Variants in ELMO1 observed in about 807,000 individuals in gnomAD.
ELMO1 encodes the protein engulfment and cell motility protein 1.
A neutral mutation model predicts 98.9 loss-of-function variants in ELMO1; 26 were observed. That is an observed-to-expected ratio of 0.26 (90% CI 0.19 to 0.36). The LOEUF is 0.36. Among genes scored for constraint, ELMO1 ranks in the 10% least tolerant of loss-of-function variants. The pLI, the probability that ELMO1 is intolerant of heterozygous loss-of-function variation, is 1.00. For missense variants in ELMO1, 627 were observed against 935.2 expected (o/e 0.67, Z 4.30); for synonymous variants, 346 against 346.0 (o/e 1.00, Z 0.00).
At chr7:37,204,022 T>G (rs1404576248) in intron 13 of ELMO1, 1 of 445,246 alleles carries the variant, frequency 2.2e-6, no homozygotes, top group Non-Finnish European at 4.5e-6. Context: ...CGCTTTTAAC[T>G]GGCCAACAGG....
chr7:37,265,970 C>T (rs929993699), intron 5 of ELMO1, among the ~76,000 whole-genome samples: 10 of 152,160 alleles, frequency 6.6e-5, no homozygotes, highest in Admixed American at 1.3e-4. Flanking sequence ...TTGCCCTCCA[C>T]GACACTCCTT....
intron 21 of ELMO1, among the ~76,000 whole-genome samples, chr7:36,859,281 A>G (rs1802431258): frequency 6.6e-6 from 1 of 152,228 alleles, no homozygotes; most frequent in Non-Finnish European, 1.5e-5. Context: ...TAAATACCAC[A>G]TTATTAATTT....
rs115851167 is a variant in ELMO1, at chr7:37,237,764, T to G, written c.450-4570A>C. ...TAAAATGTATATACATTGAAAGGTA[T>G]GGATTTATAAGTCATCCTATAGACA... On this transcript the variant is annotated intron_variant, in intron 7 of 21. Transcript: ENST00000310758. Among the ~76,000 whole-genome samples, 1,244 of 152,340 alleles carry G rather than the reference T, an allele frequency of 8.2e-3. 20 individuals carry two copies. Among genetic ancestry groups the G allele is most frequent in the African/African-American group, 0.029 (1,199 of 41,580 alleles).
At chr7:37,014,831 G>T (rs1304407701) in intron 15 of ELMO1, among the ~76,000 whole-genome samples, 2 of 151,992 alleles carry the variant, frequency 1.3e-5, no homozygotes, top group Admixed American at 1.3e-4. Context: ...GGAGGGGTGG[G>T]AGCAGGCTTA....
At chr7:37,282,063 C>A (rs974101540) in intron 4 of ELMO1, among the ~76,000 whole-genome samples, 1 of 151,766 alleles carries the variant, frequency 6.6e-6, no homozygotes. Flanking sequence ...AGAAAAATGT[C>A]ATTGTCATAT....
At chr7:36,982,579 A>G (rs868391098) in intron 16 of ELMO1, among the ~76,000 whole-genome samples, 10 of 152,216 alleles carry the variant, frequency 6.6e-5, no homozygotes, top group African/African-American at 2.4e-4. Context: ...ACACATTTAC[A>G]TACCTCGTAT....
chr7:36,888,281 T>C (rs758812080), intron 17 of ELMO1, among the ~76,000 whole-genome samples: 1 of 152,170 alleles, frequency 6.6e-6, no homozygotes, highest in Non-Finnish European at 1.5e-5. Context: ...GCTAATGCAA[T>C]ATAATTTAGT....
intron 14 of ELMO1, among the ~76,000 whole-genome samples, chr7:37,126,757 A>G (rs761105625): frequency 3.9e-5 from 6 of 152,208 alleles, no homozygotes; most frequent in Non-Finnish European, 8.8e-5. Context: ...CACCACAGCC[A>G]CTGCGCATGG....
intron 2 of ELMO1, among the ~76,000 whole-genome samples, chr7:37,322,142 G>A (rs1201669698): frequency 6.6e-6 from 1 of 151,380 alleles, no homozygotes; most frequent in Non-Finnish European, 1.5e-5. Flanking sequence ...ACAGGCATGA[G>A]CCACCACACC....
intron 1 of ELMO1, among the ~76,000 whole-genome samples, chr7:37,419,252 T>A (rs1804366387): frequency 6.6e-6 from 1 of 152,150 alleles, no homozygotes; most frequent in African/African-American, 2.4e-5. Flanking sequence ...AATAGAAGGC[T>A]ATGATAATTG....
chr7:37,071,026 T>C (rs556264035), intron 15 of ELMO1, among the ~76,000 whole-genome samples: 1 of 152,330 alleles, frequency 6.6e-6, no homozygotes, highest in South Asian at 2.1e-4. Context: ...AAACTCATTG[T>C]CCAGAGAAAA....
chr7:37,277,436 G>A (rs550629184), intron 4 of ELMO1, among the ~76,000 whole-genome samples: 2 of 152,330 alleles, frequency 1.3e-5, no homozygotes, highest in African/African-American at 4.8e-5. Flanking sequence ...ACATCTTCAT[G>A]GAACAGAGAA....
At chr7:37,163,482 A>C (rs1293721829) in intron 13 of ELMO1, among the ~76,000 whole-genome samples, 1 of 151,994 alleles carries the variant, frequency 6.6e-6, no homozygotes, top group African/African-American at 2.4e-5. Flanking sequence ...TCCCAATGCT[A>C]TCCCTCCCCC....
intron 15 of ELMO1, among the ~76,000 whole-genome samples, chr7:37,081,598 G>A (rs567046788): frequency 3.9e-5 from 6 of 152,170 alleles, no homozygotes; most frequent in Non-Finnish European, 7.3e-5. Flanking sequence ...CAAGTCTCAC[G>A]AGACAAGGGG....
At chr7:37,041,237 G>A (rs890796101) in intron 15 of ELMO1, among the ~76,000 whole-genome samples, 4 of 152,196 alleles carry the variant, frequency 2.6e-5, no homozygotes, top group African/African-American at 9.7e-5. Flanking sequence ...ACTGACCTTG[G>A]CTGTCCCTAT....
rs1786328686 is a variant in ELMO1, at chr7:37,124,297, G to A, written c.1191+8833C>T. ...AAGTTCTGCCTAGCGCAATCAGGCA[G>A]GAGAAAGAAATAAAGGGTATTCAAT... On this transcript the variant is annotated intron_variant, in intron 14 of 21. Coordinates refer to ENST00000310758, the MANE Select transcript of ELMO1 (RefSeq NM_014800.11). 2.6e-5 allele frequency among the ~76,000 whole-genome samples: 4 copies of A among 152,276 alleles called. 1 individual carries two copies. The highest frequency in any genetic ancestry group is 2.6e-4 in the Admixed American group (4 of 15,298).
chr7:36,973,504 A>C lies in ELMO1; in HGVS notation c.1437+39795T>G, dbSNP rs759605646. Among the ~76,000 whole-genome samples the C allele has an allele frequency of 3.3e-4, 51 of 152,326 alleles. 1 individual carries two copies. Among genetic ancestry groups the C allele is most frequent in the Non-Finnish European group, 5.3e-4 (36 of 68,030 alleles). On this transcript the variant is annotated intron_variant, in intron 16 of 21. Coordinates refer to ENST00000310758, the MANE Select transcript of ELMO1 (RefSeq NM_014800.11). ...ATGAGAAGGAAACAAGTTCCAGTCC[A>C]TCATTAGGATGGTCTTGAACTATGG... is the stretch of plus-strand genomic sequence containing the variant.
At chr7:37,302,515 C>G (rs1004660768) in intron 4 of ELMO1, among the ~76,000 whole-genome samples, 11 of 152,028 alleles carry the variant, frequency 7.2e-5, no homozygotes. Context: ...ATGGAAAGGA[C>G]ATATGTAGGG....
chr7:36,865,406 A>G (rs1802959645), intron 20 of ELMO1, among the ~76,000 whole-genome samples: 1 of 152,234 alleles, frequency 6.6e-6, no homozygotes, highest in African/African-American at 2.4e-5. Flanking sequence ...ACACTCATTC[A>G]TGTAGTACAT....
Sources: gnomAD v4.1 joint callset for allele counts (sites outside exome capture counted in the v4.1 genomes callset) on GRCh38, gnomAD v4.1.1 for gene constraint, MANE v1.5 for transcripts, NCBI Gene and HGNC (gene_info 2026-07-23, HGNC 2026-07-21) for gene names.